ATR: variants seen among roughly 807,000 people sequenced by gnomAD.
ATR encodes the protein serine/threonine-protein kinase ATR.
A neutral mutation model predicts 305.3 loss-of-function variants in ATR; 142 were observed. The observed-to-expected ratio is 0.47, with a 90% CI of 0.41 to 0.53. The LOEUF (loss-of-function observed/expected upper bound fraction) is 0.53, where lower values mean the gene tolerates loss of function less well. Among genes scored for constraint, ATR ranks in the 20% least tolerant of loss-of-function variants. The probability of loss-of-function intolerance (pLI) is 0.00; values close to 1 mark genes in which losing one functional copy is unlikely to be tolerated. For missense variants in ATR, 2,135 were observed against 3,133.1 expected, an observed-to-expected ratio of 0.68 and a Z score of 7.60; for synonymous variants, 1,050 against 1,068.1, an observed-to-expected ratio of 0.98 and a Z score of 0.33.
chr3:142,530,003 C>A (rs1052059330), intron 21 of ATR, among the ~76,000 whole-genome samples: 1 of 151,926 alleles, frequency 6.6e-6, no homozygotes, highest in African/African-American at 2.4e-5. Flanking sequence ...AATATTAATT[C>A]TGTTCTCTTG....
In ATR at chr3:142,517,692, T is replaced by C. The variant is rs185368821; in HGVS notation, c.4382+1977A>G. ...AAGCTAAAGACCAAAAGAATTTCCA[T>C]TGCTTTGTTAAGATCTACTTTTAAA... On this transcript the variant is annotated intron_variant, in intron 24 of 46. Coordinates refer to ENST00000350721, the MANE Select transcript of ATR (RefSeq NM_001184.4). Among the ~76,000 whole-genome samples, 159 of 152,298 alleles carry C rather than the reference T, an allele frequency of 1.0e-3. 1 individual carries two copies. The highest frequency in any genetic ancestry group is 3.6e-3 in the African/African-American group (149 of 41,562).
In ATR at chr3:142,570,544, G is replaced by A. The variant is rs981568237; in HGVS notation, c.60-2390C>T. Among the ~76,000 whole-genome samples, 6 of 152,168 alleles carry A rather than the reference G, an allele frequency of 3.9e-5. No homozygotes were observed. The East Asian group carries it at 9.7e-4, about 25-fold the overall frequency. ...TGCGATTACAAGCATGTACCACCAC[G>A]CCTGGCTAATTTTGTATATTTTTAG... On this transcript the variant is annotated intron_variant, in intron 1 of 46. Transcript: ENST00000350721.
chr3:142,536,130 GC>G lies in ATR; in HGVS notation c.3796del (p.Ala1266ProfsTer24), dbSNP rs757253151. On this transcript the variant is annotated frameshift_variant, in exon 20 of 47. Coordinates refer to ENST00000350721, the MANE Select transcript of ATR (RefSeq NM_001184.4). LOFTEE classifies it high-confidence loss of function. Reference protein sequence around the residue: ...PDHPELKKIKAVLQEYRKETS... With the variant: ...PDHPELKKIKXVLQEYRKETS... ...TACCTTTCTGTATTCCTGGAGAACGGCTTTTATCTTTTTTAATTCTGGATGA... is the reference window on the plus strand; with the variant it reads ...TACCTTTCTGTATTCCTGGAGAACGGTTTTATCTTTTTTAATTCTGGATGA... 1.9e-6 allele frequency: 3 copies of G among 1,586,748 alleles called. No homozygotes were observed. The highest frequency in any genetic ancestry group is 2.6e-6 in the Non-Finnish European group (3 of 1,155,594).
At chr3:142,504,086 T>C (rs578118486) in intron 29 of ATR, among the ~76,000 whole-genome samples, 26 of 152,344 alleles carry the variant, frequency 1.7e-4, no homozygotes, top group South Asian at 4.1e-4. Context: ...CTGAGAAACA[T>C]GTCAAATATG....
Position 142,453,247 on chromosome 3 carries a change from AAAT to A in ATR, c.7656-17_7656-15del. On this transcript the variant is annotated splice_polypyrimidine_tract_variant and intron_variant, in intron 45 of 46. Transcript: ENST00000350721. ...GTCTTTAAGACACTAAAATTGAAAC[AAAT>A]ATTATGGTATGATGTTATCTTTGCA... 1 of 1,609,344 alleles carries A rather than the reference AAAT, an allele frequency of 6.2e-7. No homozygotes were observed. The highest frequency in any genetic ancestry group is 8.5e-7 in the Non-Finnish European group (1 of 1,175,752).
At chr3:142,550,432 A>G (rs543786805) in intron 13 of ATR, 130 bp from the exon 14 acceptor site, 10 of 961,876 alleles carry the variant, frequency 1.0e-5, no homozygotes, top group South Asian at 8.6e-5. Context: ...TTCAATTTTT[A>G]TAACAACCTT....
At position 142,549,494 on chromosome 3, in the gene ATR, G is replaced by T; in HGVS notation, c.3156C>A (p.Ala1052=). The T allele has an allele frequency of 6.3e-7, 1 of 1,595,464 alleles. No homozygotes were observed. Among genetic ancestry groups the T allele is most frequent in the Non-Finnish European group, 8.5e-7 (1 of 1,171,258 alleles). The part of the protein sequence containing the change: ...CSCSKDELER[A]LHYLKNETEI... ...ATTCAATTACCTTCAGATAATGAAG[G>T]GCACGTTCTAATTCATCTTTGGAAC... Residue 1052 remains alanine (A), a synonymous_variant, in exon 15 of 47, where the codon GCC becomes GCA. Transcript: ENST00000350721.
At chr3:142,515,314 G>T in intron 25 of ATR, 81 bp downstream of exon 25, 4 of 1,530,846 alleles carry the variant, frequency 2.6e-6, no homozygotes, top group African/African-American at 1.4e-5. Flanking sequence ...AATGATTATT[G>T]TGTGTGCTAG....
chr3:142,565,279 G>A (rs771002014), intron 3 of ATR, among the ~76,000 whole-genome samples: 5 of 151,990 alleles, frequency 3.3e-5, no homozygotes, highest in Admixed American at 1.3e-4. Flanking sequence ...TAGAAGTAGT[G>A]CTCAGAAAAA....
chr3:142,538,693 T>C lies in ATR; in HGVS notation c.3582-68A>G, dbSNP rs2033947155. 4.4e-6 allele frequency: 7 copies of C among 1,579,114 alleles called. No individual in the cohort carries two copies. In the Admixed American group the frequency reaches 1.2e-4, roughly 27 times the overall value. ...TTATTTGTAAAGCTCTATCAATCAG[T>C]AATTAGTTGAAGACACATGATATAT... is the stretch of plus-strand genomic sequence containing the variant. On this transcript the variant is annotated intron_variant, in intron 18 of 46. Coordinates refer to ENST00000350721, the MANE Select transcript of ATR (RefSeq NM_001184.4).
chr3:142,473,184 C>T (rs2071336243), intron 36 of ATR, among the ~76,000 whole-genome samples: 1 of 152,210 alleles, frequency 6.6e-6, no homozygotes, highest in South Asian at 2.1e-4. Context: ...AAACCAATGC[C>T]ATGAACCTTT....
intron 27 of ATR, among the ~76,000 whole-genome samples, chr3:142,512,055 T>C (rs966287432): frequency 3.3e-5 from 5 of 151,722 alleles, no homozygotes; most frequent in African/African-American, 1.2e-4. Flanking sequence ...GAGGCAGAGA[T>C]TGCAGTGAGC....
At chr3:142,529,343 TC>T (rs2108410902) in intron 21 of ATR, among the ~76,000 whole-genome samples, 1 of 152,270 alleles carries the variant, frequency 6.6e-6, no homozygotes, top group African/African-American at 2.4e-5. Context: ...TATTTTGACT[TC>T]CAGTTATTGC....
chr3:142,461,453 A>T (rs1226004784), intron 42 of ATR, among the ~76,000 whole-genome samples: 1 of 152,090 alleles, frequency 6.6e-6, no homozygotes, highest in Non-Finnish European at 1.5e-5. Context: ...TCCATGGGTT[A>T]TAATAGTTTA....
intron 36 of ATR, among the ~76,000 whole-genome samples, chr3:142,475,031 A>G (rs955683960): frequency 1.1e-4 from 17 of 152,286 alleles, no homozygotes; most frequent in African/African-American, 4.1e-4. Flanking sequence ...CATAAAGGTT[A>G]GACTAGATTA....
chr3:142,518,578 A>G (rs1187405075), intron 24 of ATR, among the ~76,000 whole-genome samples: 1 of 152,218 alleles, frequency 6.6e-6, no homozygotes, highest in African/African-American at 2.4e-5. Flanking sequence ...ATAATGCTAA[A>G]TAATCACTTC....
At chr3:142,535,351 CA>C in intron 20 of ATR, 146 bp from the exon 21 acceptor site, 1 of 817,174 alleles carries the variant, frequency 1.2e-6, no homozygotes, top group Non-Finnish European at 1.8e-6. Flanking sequence ...TTCCTTTGTA[CA>C]GCACAAATCA....
chr3:142,531,973 T>C (rs1039294116), intron 21 of ATR, among the ~76,000 whole-genome samples: 4 of 152,192 alleles, frequency 2.6e-5, no homozygotes, highest in South Asian at 2.1e-4. Context: ...TGGTATCTCA[T>C]TGTGGTTTTG....
rs2033058369 is a variant in ATR at position 142,519,668 on chromosome 3, C to T, written c.4382+1G>A. 1 of 1,595,608 alleles carries T rather than the reference C, an allele frequency of 6.3e-7. No homozygotes were observed. The highest frequency in any genetic ancestry group is 8.6e-7 in the Non-Finnish European group (1 of 1,163,268). ...AAAATACATTAAATAAGCCTACATA[C>T]CTGGTATTTAGATGAGGTTCTAGTA... On this transcript the variant is annotated splice_donor_variant, in intron 24 of 46. Transcript: ENST00000350721. LOFTEE classifies it high-confidence loss of function.
Sources: gnomAD v4.1 joint callset for allele counts (sites outside exome capture counted in the v4.1 genomes callset) on GRCh38, gnomAD v4.1.1 for gene constraint, MANE v1.5 for transcripts, NCBI Gene and HGNC (gene_info 2026-07-23, HGNC 2026-07-21) for gene names.